Variants in ASIC2 observed in about 807,000 individuals in gnomAD.
ASIC2 encodes the protein acid sensing ion channel subunit 2.
A neutral mutation model predicts 57.3 loss-of-function variants in ASIC2; 25 were observed. That is an observed-to-expected ratio of 0.44 (90% CI 0.32 to 0.61). The LOEUF (loss-of-function observed/expected upper bound fraction) is 0.61, where lower values mean the gene tolerates loss of function less well. ASIC2 is among the 20% of genes least tolerant of loss of function. The pLI is 0.06. For synonymous variants in ASIC2, 319 were observed against 307.5 expected, an observed-to-expected ratio of 1.04 and a Z score of -0.39; for missense variants, 641 against 738.1, an observed-to-expected ratio of 0.87 and a Z score of 1.52.
intron 1 of ASIC2, among the ~76,000 whole-genome samples, chr17:33,555,631 T>G (rs1416670576): frequency 4.6e-5 from 7 of 152,124 alleles, no homozygotes; most frequent in Non-Finnish European, 1.0e-4. Context: ...TTGGTCCAAA[T>G]GACACTGTCA....
intron 1 of ASIC2, among the ~76,000 whole-genome samples, chr17:33,312,628 A>G (rs191359102): frequency 1.3e-4 from 20 of 152,336 alleles, no homozygotes; most frequent in African/African-American, 4.3e-4. Context: ...ATATCCATAA[A>G]GATCACCAAG....
At chr17:33,023,280 G>A (rs1481503159) in intron 6 of ASIC2, among the ~76,000 whole-genome samples, 1 of 152,160 alleles carries the variant, frequency 6.6e-6, no homozygotes, top group East Asian at 1.9e-4. Flanking sequence ...GAGGTCAGGA[G>A]ATCGAGACCA....
intron 1 of ASIC2, among the ~76,000 whole-genome samples, chr17:33,507,253 T>G (rs138221115): frequency 2.7e-3 from 410 of 152,332 alleles, no homozygotes; most frequent in African/African-American, 9.7e-3. Flanking sequence ...AGCTGCTTTT[T>G]AAATTTATGC....
intron 1 of ASIC2, chr17:33,533,889 A>G (rs1306664715): frequency 6.6e-6 from 1 of 152,222 alleles, no homozygotes; most frequent in Non-Finnish European, 1.5e-5. Context: ...ACAAGGTCAC[A>G]AAAACTCTCT....
At chr17:33,661,897 T>C (rs1907279708) in intron 1 of ASIC2, among the ~76,000 whole-genome samples, 2 of 152,144 alleles carry the variant, frequency 1.3e-5, no homozygotes, top group Non-Finnish European at 2.9e-5. Flanking sequence ...TATCTATTCA[T>C]CCGCTGTAAC....
intron 1 of ASIC2, among the ~76,000 whole-genome samples, chr17:33,799,384 T>C (rs1355108977): frequency 3.5e-5 from 1 of 28,686 alleles, no homozygotes; most frequent in Non-Finnish European, 1.2e-4. Context: ...CTTCCTTTCT[T>C]TCTTTCTTTC....
chr17:34,037,685 C>T, intron 1 of ASIC2: 1 of 1,614,080 alleles, frequency 6.2e-7, no homozygotes. Flanking sequence ...AGCAGGGCTA[C>T]TCGTAGAGAC....
chr17:33,136,838 C>T (rs747090789), intron 1 of ASIC2, among the ~76,000 whole-genome samples: 7 of 152,166 alleles, frequency 4.6e-5, no homozygotes, highest in Non-Finnish European at 1.0e-4. Flanking sequence ...ATTCTATTCC[C>T]AGTCCTGCTG....
intron 3 of ASIC2, among the ~76,000 whole-genome samples, chr17:33,062,323 A>C: frequency 6.6e-6 from 1 of 152,122 alleles, no homozygotes; most frequent in East Asian, 1.9e-4. Flanking sequence ...CCCTCTACAC[A>C]CTGCTTTAAA....
intron 1 of ASIC2, among the ~76,000 whole-genome samples, chr17:33,222,735 G>T (rs1191671248): frequency 6.6e-6 from 1 of 152,154 alleles, no homozygotes; most frequent in Non-Finnish European, 1.5e-5. Flanking sequence ...TTGTAATCTA[G>T]TCAATATATT....
At chr17:33,808,629 T>G (rs1482735537) in intron 1 of ASIC2, among the ~76,000 whole-genome samples, 1 of 152,234 alleles carries the variant, frequency 6.6e-6, no homozygotes, top group Non-Finnish European at 1.5e-5. Flanking sequence ...TGCCCATCTC[T>G]TCATCAATTC....
intron 1 of ASIC2, among the ~76,000 whole-genome samples, chr17:33,671,068 T>G (rs1907624035): frequency 6.6e-6 from 1 of 152,184 alleles, no homozygotes; most frequent in South Asian, 2.1e-4. Flanking sequence ...CCGTCTGGCT[T>G]TACCTCTTAT....
chr17:33,299,966 A>G (rs889431833), intron 1 of ASIC2, among the ~76,000 whole-genome samples: 1 of 152,230 alleles, frequency 6.6e-6, no homozygotes, highest in Admixed American at 6.5e-5. Flanking sequence ...GATAAAGGGC[A>G]CAACCAGAAT....
At chr17:33,353,077 A>G (rs942943649) in intron 1 of ASIC2, among the ~76,000 whole-genome samples, 9 of 152,196 alleles carry the variant, frequency 5.9e-5, no homozygotes, top group Non-Finnish European at 1.2e-4. Flanking sequence ...AGCCCAGCAC[A>G]ATACTTGCAC....
chr17:33,850,030 A>G (rs1398859663), intron 1 of ASIC2, among the ~76,000 whole-genome samples: 5 of 152,228 alleles, frequency 3.3e-5, no homozygotes, highest in African/African-American at 1.2e-4. Context: ...GTTGTTTCTT[A>G]AGAGGGGGAA....
intron 1 of ASIC2, among the ~76,000 whole-genome samples, chr17:33,258,414 G>T (rs558293844): frequency 1.3e-5 from 2 of 152,240 alleles, no homozygotes; most frequent in Admixed American, 1.3e-4. Context: ...AAGGGACAGA[G>T]AAGGAGGATG....
chr17:33,471,601 G>A (rs1913052390), intron 1 of ASIC2, among the ~76,000 whole-genome samples: 1 of 152,110 alleles, frequency 6.6e-6, no homozygotes, highest in Non-Finnish European at 1.5e-5. Flanking sequence ...TGCAGAGGGG[G>A]GAGTAATCAT....
chr17:33,311,454 G>A (rs1906421261), intron 1 of ASIC2, among the ~76,000 whole-genome samples: 1 of 147,348 alleles, frequency 6.8e-6, no homozygotes, highest in Admixed American at 6.8e-5. Flanking sequence ...GTGTGTGTGT[G>A]TGTAGATGTG....
chr17:33,894,340 TGCGTGCGTGC>T (rs139134475), intron 1 of ASIC2, among the ~76,000 whole-genome samples: 131 of 121,260 alleles, frequency 1.1e-3, no homozygotes, highest in African/African-American at 3.1e-3. Flanking sequence ...CGTGCGTGCG[TGCGTGCGTGC>T]GTGTGTGTGT....
Sources: gnomAD v4.1 joint callset for allele counts (sites outside exome capture counted in the v4.1 genomes callset) on GRCh38, gnomAD v4.1.1 for gene constraint, MANE v1.5 for transcripts, NCBI Gene and HGNC (gene_info 2026-07-23, HGNC 2026-07-21) for gene names.